ALK: variants seen among roughly 807,000 people sequenced by gnomAD.
ALK encodes the protein ALK tyrosine kinase receptor.
A neutral mutation model predicts 163.1 loss-of-function variants in ALK; 74 were observed. That is an observed-to-expected ratio of 0.45 (90% CI 0.38 to 0.55). The LOEUF (loss-of-function observed/expected upper bound fraction) is 0.55. Among genes scored for constraint, ALK ranks in the 20% least tolerant of loss-of-function variants. The pLI, the probability that ALK is intolerant of heterozygous loss-of-function variation, is 0.00. For missense variants in ALK, 2,063 were observed against 2,105.3 expected, an observed-to-expected ratio of 0.98 and a Z score of 0.39; for synonymous variants, 960 against 843.2, an observed-to-expected ratio of 1.14 and a Z score of -2.40.
chr2:29,529,690 T>A (rs534964723), intron 4 of ALK, among the ~76,000 whole-genome samples: 2 of 152,360 alleles, frequency 1.3e-5, no homozygotes, highest in South Asian at 4.1e-4. Context: ...TGATTGTCCT[T>A]TCTGCTGCCA....
chr2:29,618,716 C>T (rs1227708289), intron 3 of ALK, among the ~76,000 whole-genome samples: 2 of 152,212 alleles, frequency 1.3e-5, no homozygotes, highest in African/African-American at 4.8e-5. Flanking sequence ...TGCGGTGGCT[C>T]ATGCCTGTAA....
chr2:29,767,406 C>G (rs150241586), intron 1 of ALK, among the ~76,000 whole-genome samples: 1 of 152,150 alleles, frequency 6.6e-6, no homozygotes, highest in Non-Finnish European at 1.5e-5. Context: ...TTCCCAGGAC[C>G]GTTGTGATTT....
intron 3 of ALK, among the ~76,000 whole-genome samples, chr2:29,557,434 G>C (rs1673893623): frequency 6.6e-6 from 1 of 152,192 alleles, no homozygotes; most frequent in African/African-American, 2.4e-5. Flanking sequence ...AGGGCTCAGA[G>C]CTCACTGATC....
intron 9 of ALK, among the ~76,000 whole-genome samples, chr2:29,283,779 T>C (rs1173729990): frequency 6.6e-6 from 1 of 152,186 alleles, no homozygotes; most frequent in Non-Finnish European, 1.5e-5. Context: ...TGCTAATTTA[T>C]TGCTCCTGTT....
chr2:29,902,283 C>T (rs1667435721), intron 1 of ALK, among the ~76,000 whole-genome samples: 2 of 152,178 alleles, frequency 1.3e-5, no homozygotes, highest in East Asian at 3.9e-4. Context: ...TCTAATCTTG[C>T]TGGCAAAAAG....
Position 29,251,190 on chromosome 2 carries a change from T to C in ALK, c.2119A>G (p.Asn707Asp), listed in dbSNP as rs2148197477. Residue 707 changes from asparagine (N) to aspartate (D), a missense_variant, in exon 12 of 29, where the codon AAC (asparagine) becomes GAC (aspartate). By Grantham distance (23) the Asn-to-Asp change is conservative. Transcript: ENST00000389048. ...TQAQCNNAYQNSNLSVEVGSE... is the reference protein window; with the variant it reads ...TQAQCNNAYQDSNLSVEVGSE... Reference sequence around the variant, plus strand: ...CCCACCTCCACGCTCAGGTTGGAGTTCTGGTAGGCGTTGTTGCACTGTGCC... The same window carrying C: ...CCCACCTCCACGCTCAGGTTGGAGTCCTGGTAGGCGTTGTTGCACTGTGCC... The C allele has an allele frequency of 1.2e-6, 2 of 1,614,182 alleles. No homozygotes were observed. The highest frequency in any genetic ancestry group is 2.2e-5 in the South Asian group (2 of 91,058).
At chr2:29,876,652 ACGG>A in intron 1 of ALK, among the ~76,000 whole-genome samples, 1 of 143,234 alleles carries the variant, frequency 7.0e-6, no homozygotes, top group African/African-American at 2.7e-5. Context: ...GATGATGGTG[ACGG>A]CGATGGTGGT....
intron 3 of ALK, among the ~76,000 whole-genome samples, chr2:29,638,136 C>T (rs1004365459): frequency 6.6e-6 from 1 of 152,160 alleles, no homozygotes; most frequent in Non-Finnish European, 1.5e-5. Flanking sequence ...GCTCTGATAG[C>T]CATTTTTGGC....
At chr2:29,830,198 C>T (rs965056135) in intron 1 of ALK, among the ~76,000 whole-genome samples, 1 of 152,234 alleles carries the variant, frequency 6.6e-6, no homozygotes, top group Admixed American at 6.5e-5. Context: ...TGAACAAATA[C>T]ATGCTTTGTC....
At chr2:29,724,227 C>A (rs1679502085) in intron 1 of ALK, among the ~76,000 whole-genome samples, 1 of 152,176 alleles carries the variant, frequency 6.6e-6, no homozygotes. Flanking sequence ...TCCTACCTTG[C>A]CTGTACACGT....
chr2:29,466,195 T>G (rs1405342606), intron 4 of ALK, among the ~76,000 whole-genome samples: 1 of 152,190 alleles, frequency 6.6e-6, no homozygotes, highest in East Asian at 1.9e-4. Context: ...TGTGGCCTGA[T>G]TTCTTCCTTC....
At chr2:29,413,535 T>C (rs918042612) in intron 4 of ALK, among the ~76,000 whole-genome samples, 1 of 151,526 alleles carries the variant, frequency 6.6e-6, no homozygotes, top group African/African-American at 2.4e-5. Context: ...TTATTGTTTA[T>C]TTATTTATTT....
At chr2:29,865,166 A>G (rs1438942755) in intron 1 of ALK, among the ~76,000 whole-genome samples, 3 of 152,204 alleles carry the variant, frequency 2.0e-5, no homozygotes, top group African/African-American at 7.2e-5. Context: ...ACGTCAGGTG[A>G]CCTGCTCTGG....
At chr2:29,200,773 GTATATATA>G (rs1344075579) in intron 26 of ALK, among the ~76,000 whole-genome samples, 1 of 132,524 alleles carries the variant, frequency 7.5e-6, no homozygotes, top group Non-Finnish European at 1.6e-5. Context: ...ATATATATAC[GTATATATA>G]TGTATATACA....
At chr2:29,608,451 GC>G (rs1380286744) in intron 3 of ALK, among the ~76,000 whole-genome samples, 7 of 152,218 alleles carry the variant, frequency 4.6e-5, no homozygotes, top group Non-Finnish European at 1.0e-4. Flanking sequence ...TGATTTCATA[GC>G]TGATGGATCT....
intron 2 of ALK, among the ~76,000 whole-genome samples, chr2:29,709,010 TCA>T (rs1167069458): frequency 6.6e-6 from 1 of 152,200 alleles, no homozygotes; most frequent in Non-Finnish European, 1.5e-5. Flanking sequence ...GGATTTTCTC[TCA>T]TTTTTCTCAC....
At chr2:29,717,555 G>A in intron 2 of ALK, 23 bp downstream of exon 2, 1 of 1,613,740 alleles carries the variant, frequency 6.2e-7, no homozygotes, top group Non-Finnish European at 8.5e-7. Flanking sequence ...TGTATCTCAA[G>A]TAAATATTAA....
intron 1 of ALK, among the ~76,000 whole-genome samples, chr2:29,897,198 T>C (rs1490038766): frequency 6.6e-6 from 1 of 152,078 alleles, no homozygotes; most frequent in Non-Finnish European, 1.5e-5. Context: ...TAGGTGCCTG[T>C]AATCCCAGCT....
chr2:29,671,536 A>T (rs1042353408), intron 3 of ALK, among the ~76,000 whole-genome samples: 2 of 152,112 alleles, frequency 1.3e-5, no homozygotes, highest in Non-Finnish European at 2.9e-5. Flanking sequence ...CCTGCCAAAG[A>T]GACCCTAAGA....
Sources: allele counts gnomAD v4.1 joint callset (sites outside exome capture counted in the v4.1 genomes callset), GRCh38; gene constraint gnomAD v4.1.1; transcripts MANE v1.5; gene names NCBI Gene and HGNC (gene_info 2026-07-23, HGNC 2026-07-21).